The following CUX1 variants were observed in gnomAD, a reference collection of about 807,000 sequenced individuals.
The protein encoded by CUX1 is cut like homeobox 1.
In CUX1, 31 loss-of-function variants were observed where a neutral mutation model predicts 158.8. That is an observed-to-expected ratio of 0.20 (90% confidence interval 0.15 to 0.26). CUX1 has a LOEUF of 0.26. Ranked by LOEUF, CUX1 falls within the 10% of genes least tolerant of loss-of-function variation. CUX1 has a pLI of 1.00. For missense variants in CUX1, 1,589 were observed against 2,014.6 expected (o/e 0.79, Z 4.04); for synonymous variants, 879 against 862.1 (o/e 1.02, Z -0.34).
chr7:102,175,516 C>T (rs62484928), intron 10 of CUX1, among the ~76,000 whole-genome samples: 5,920 of 152,152 alleles, frequency 0.039, 161 homozygotes, highest in Non-Finnish European at 0.06. Context: ...CATGTCCAGG[C>T]GCCTCTGGCT....
chr7:102,079,437 C>CAAAA (rs535825246), intron 4 of CUX1, among the ~76,000 whole-genome samples: 8 of 140,124 alleles, frequency 5.7e-5, no homozygotes, highest in African/African-American at 2.1e-4. Flanking sequence ...GACTCTGTCT[C>CAAAA]AAAAAAAAAA....
chr7:102,016,826 G>C (rs1240535410), intron 2 of CUX1, among the ~76,000 whole-genome samples: 1 of 152,184 alleles, frequency 6.6e-6, no homozygotes, highest in East Asian at 1.9e-4. Flanking sequence ...ATTAATCTGC[G>C]TTCTGATTTT....
intron 1 of CUX1, among the ~76,000 whole-genome samples, chr7:101,912,755 C>T (rs1246276141): frequency 2.0e-5 from 3 of 152,148 alleles, no homozygotes. Flanking sequence ...TTACAATACA[C>T]CGTGTTTTTT....
At chr7:102,000,043 C>T (rs891342166) in intron 2 of CUX1, among the ~76,000 whole-genome samples, 16 of 152,114 alleles carry the variant, frequency 1.1e-4, no homozygotes, top group African/African-American at 3.9e-4. Context: ...ATGGCGAAAC[C>T]CCGTCTCTAT....
intron 8 of CUX1, among the ~76,000 whole-genome samples, chr7:102,145,108 AAT>A (rs2131432317): frequency 6.6e-6 from 1 of 150,714 alleles, no homozygotes; most frequent in African/African-American, 2.5e-5. Context: ...AAAAAAAAAA[AAT>A]TTGAATCTCG....
At chr7:101,817,250 C>G, upstream of CUX1, 1 of 984,756 alleles carries the variant, frequency 1.0e-6, no homozygotes. The surrounding 1 kb of genome is among the most constrained non-coding windows in gnomAD (Gnocchi z 4.1). Flanking sequence ...CGCCGCGCGC[C>G]TGGGGGCTCC....
chr7:102,111,934 A>G (rs1389851594), intron 7 of CUX1, 160 bp downstream of exon 7: 4 of 606,976 alleles, frequency 6.6e-6, no homozygotes, highest in African/African-American at 5.5e-5. Context: ...CACGCCCGCC[A>G]GCTGCTGCGC....
chr7:101,965,078 G>C (rs1810996748), intron 2 of CUX1, among the ~76,000 whole-genome samples: 1 of 152,202 alleles, frequency 6.6e-6, no homozygotes, highest in African/African-American at 2.4e-5. Context: ...CTTCTTGCCA[G>C]ACAGAAAAGT....
chr7:102,024,300 C>G (rs1819735024), intron 2 of CUX1, among the ~76,000 whole-genome samples: 1 of 152,170 alleles, frequency 6.6e-6, no homozygotes, highest in Non-Finnish European at 1.5e-5. Flanking sequence ...GTCTCCTTCC[C>G]CTCTGAATCT....
At chr7:102,039,505 G>A (rs192002170) in intron 3 of CUX1, among the ~76,000 whole-genome samples, 126 of 151,992 alleles carry the variant, frequency 8.3e-4, no homozygotes, top group Non-Finnish European at 1.2e-3. Context: ...AAATGCAAAC[G>A]TTAGCCAAGT....
At chr7:102,220,971 A>C (rs999704508) in intron 20 of CUX1, among the ~76,000 whole-genome samples, 5 of 152,074 alleles carry the variant, frequency 3.3e-5, no homozygotes, top group Non-Finnish European at 7.4e-5. Flanking sequence ...TCGGCCTCCC[A>C]AATGTTGGGA....
At chr7:102,217,115 G>A (rs1797309391) in intron 20 of CUX1, among the ~76,000 whole-genome samples, 1 of 152,194 alleles carries the variant, frequency 6.6e-6, no homozygotes, top group Non-Finnish European at 1.5e-5. Context: ...AAATCAGTAT[G>A]GATCTGCAGA....
At chr7:101,893,061 T>A (rs1801057887) in intron 1 of CUX1, among the ~76,000 whole-genome samples, 2 of 151,696 alleles carry the variant, frequency 1.3e-5, no homozygotes, top group African/African-American at 4.8e-5. Context: ...ATTTTATAAC[T>A]CACTAATATA....
intron 1 of CUX1, among the ~76,000 whole-genome samples, chr7:101,833,899 A>G (rs1218489006): frequency 6.6e-6 from 1 of 152,108 alleles, no homozygotes; most frequent in Non-Finnish European, 1.5e-5. Flanking sequence ...ATCTCCTTCT[A>G]ACGGGGGGTG....
chr7:101,994,919 A>C (rs1815642026), intron 2 of CUX1, among the ~76,000 whole-genome samples: 3 of 136,870 alleles, frequency 2.2e-5, no homozygotes, highest in Admixed American at 7.6e-5. Flanking sequence ...GCAAGATCTC[A>C]TCTCTACAAA....
rs1348714017 is a variant in CUX1, at chr7:102,256,852, C to T, written c.*7810C>T. ...CTTGCAAGGCCCGCATGGGTTGATA[C>T]GTTTTGGTTGGTTTTTTGTTGTTGT... On this transcript the variant is annotated 3_prime_UTR_variant, in exon 24 of 24. Coordinates refer to ENST00000292535, the MANE Select transcript of CUX1 (RefSeq NM_181552.4). The T allele has an allele frequency of 4.1e-6, 4 of 985,418 alleles. No individual in the cohort carries two copies. The highest frequency in any genetic ancestry group is 4.8e-6 in the Non-Finnish European group (4 of 829,954). 61.0% of individuals were successfully genotyped at this position (985,418 alleles called of 1,614,324 possible). A position where few individuals can be genotyped will look rare whatever the true frequency, so the allele number is the denominator to read the frequency against.
intron 4 of CUX1, among the ~76,000 whole-genome samples, chr7:102,076,807 CTGAA>C (rs1826779585): frequency 1.3e-5 from 2 of 151,946 alleles, no homozygotes; most frequent in African/African-American, 4.8e-5. Flanking sequence ...GCTGAATTAC[CTGAA>C]TTACTTGAGC....
chr7:101,947,742 A>C lies in CUX1; in HGVS notation c.141+31517A>C, dbSNP rs1330806092. 2.0e-5 allele frequency among the ~76,000 whole-genome samples: 3 copies of C among 152,204 alleles called. No individual in the cohort carries two copies. In the East Asian group the frequency reaches 5.8e-4, roughly 29 times the overall value. ...TGATTCCTGGGATTTTTTTAAAAGG[A>C]ATCTTTTAAAGCAGTAAATGAAATA... On this transcript the variant is annotated intron_variant, in intron 2 of 23. Transcript: ENST00000292535.
At chr7:102,266,843 G>T (rs1790846175) in intron 14 of CUX1, among the ~76,000 whole-genome samples, 1 of 152,194 alleles carries the variant, frequency 6.6e-6, no homozygotes, top group Admixed American at 6.5e-5. Context: ...GATGGGAAGG[G>T]CTTGAGGAAT....
Sources: gnomAD v4.1 joint callset for allele counts (sites outside exome capture counted in the v4.1 genomes callset) on GRCh38, gnomAD v4.1.1 for gene constraint, Gnocchi (gnomAD v3.1) non-coding constraint, MANE v1.5 for transcripts, NCBI Gene and HGNC (gene_info 2026-07-23, HGNC 2026-07-21) for gene names.